H4C6: variants seen among roughly 807,000 people sequenced by gnomAD.
H4C6 encodes the protein histone H4.
Under a neutral mutation model 5.7 loss-of-function variants are expected in H4C6, and 8 were observed. The ratio of observed to expected loss-of-function variants is 1.41; its 90% CI spans 0.82 to 2.54. The LOEUF (loss-of-function observed/expected upper bound fraction) is 2.54, where lower values mean the gene tolerates loss of function less well. Ranked by LOEUF, H4C6 falls within the 30% of genes most tolerant of loss-of-function variation. H4C6 has a pLI of 0.00. For synonymous variants in H4C6, 124 were observed against 57.0 expected (o/e 2.18, Z -5.30); for missense variants, 230 against 145.9 (o/e 1.58, Z -2.97).
rs567015950 is a variant in H4C6, at chr6:26,240,757, T to C, written c.*20T>C. 5.2e-6 allele frequency: 8 copies of C among 1,540,554 alleles called. No homozygotes were observed. Among genetic ancestry groups the C allele is most frequent in the South Asian group, 2.5e-5 (2 of 79,248 alleles). ...GGCTGAGCCTCACCCCGGCTTTTTA[T>C]TTAACAGCTCACCCATAAAAGGCCC... On this transcript the variant is annotated 3_prime_UTR_variant, in exon 1 of 1. Transcript: ENST00000244537.
At position 26,240,453 on chromosome 6, in the gene H4C6, G is replaced by C. The variant is rs769179658; in HGVS notation, c.28G>C (p.Gly10Arg). The C allele has an allele frequency of 1.9e-6, 3 of 1,587,502 alleles. No individual in the cohort carries two copies. Among genetic ancestry groups the C allele is most frequent in the East Asian group, 4.5e-5 (2 of 44,492 alleles). ...GTCTGGTAGAGGCAAAGGTGGTAAA[G>C]GTTTAGGAAAGGGAGGCGCCAAGCG... MSGRGKGGK[G>R]LGKGGAKRHR... The change falls in exon 1 of 1, where the codon GGT becomes CGT. Residue 10 changes from glycine to arginine, a missense_variant. By Grantham distance (125) the Gly-to-Arg change is moderately radical. Coordinates refer to ENST00000244537, the MANE Select transcript of H4C6 (RefSeq NM_003540.4).
At position 26,240,423 on chromosome 6, in the gene H4C6, A is replaced by T. The variant is rs377422659; in HGVS notation, c.-3A>T. On this transcript the variant is annotated 5_prime_UTR_variant, in exon 1 of 1. Transcript: ENST00000244537. ...AGTTAAGAGTTGTTGTTTGTCTTCG[A>T]TCATGTCTGGTAGAGGCAAAGGTGG... 3 of 1,543,232 alleles carry T rather than the reference A, an allele frequency of 1.9e-6. No individual in the cohort carries two copies. Among genetic ancestry groups the T allele is most frequent in the Admixed American group, 2.0e-5 (1 of 51,090 alleles).
At position 26,240,686 on chromosome 6, in the gene H4C6, T is replaced by C. The variant is rs1759874126; in HGVS notation, c.261T>C (p.Val87=). The C allele has an allele frequency of 6.2e-7, 1 of 1,609,140 alleles. No homozygotes were observed. The part of the protein sequence containing the change: ...AKRKTVTAMD[V]VYALKRQGRT... ...GTAAGACAGTCACTGCAATGGATGT[T>C]GTCTACGCGCTCAAGCGCCAGGGAC... Residue 87 remains valine, a synonymous_variant, in exon 1 of 1, where the codon GTT becomes GTC. Coordinates refer to ENST00000244537, the MANE Select transcript of H4C6 (RefSeq NM_003540.4).
In H4C6 at chr6:26,240,661, G is replaced by GT. The variant is rs760665680; in HGVS notation, c.237dup (p.Lys80Ter). On this transcript the variant is annotated frameshift_variant, in exon 1 of 1. Transcript: ENST00000244537. LOFTEE classifies it high-confidence loss of function. ...GTAACCTACACGGAGCACGCCAAGCGTAAGACAGTCACTGCAATGGATGTT... is the reference window on the plus strand; with the variant it reads ...GTAACCTACACGGAGCACGCCAAGCGTTAAGACAGTCACTGCAATGGATGTT... The GT allele has an allele frequency of 1.5e-5, 25 of 1,613,328 alleles. No homozygotes were observed. The highest frequency in any genetic ancestry group is 3.3e-4 in the Middle Eastern group (2 of 6,060).
At position 26,240,396 on chromosome 6, in the gene H4C6, A is replaced by C. The variant is rs3734533; in HGVS notation, c.-30A>C. 1 of 1,501,508 alleles carries C rather than the reference A, an allele frequency of 6.7e-7. No individual in the cohort carries two copies. The allele number at this position is 1,501,508 out of a possible 1,614,324, so 93.0% of individuals were successfully genotyped here. On this transcript the variant is annotated 5_prime_UTR_variant, in exon 1 of 1. Coordinates refer to ENST00000244537, the MANE Select transcript of H4C6 (RefSeq NM_003540.4). ...GGCTTCAGTGTGTAGCAAAGTTGCA[A>C]AAGTTAAGAGTTGTTGTTTGTCTTC... is the stretch of plus-strand genomic sequence containing the variant.
In H4C6 at chr6:26,240,661, G is replaced by A. The variant is rs747684677; in HGVS notation, c.236G>A (p.Arg79His). 2.5e-6 allele frequency: 4 copies of A among 1,613,328 alleles called. No homozygotes were observed. Among genetic ancestry groups the A allele is most frequent in the Middle Eastern group, 3.3e-4 (2 of 6,060 alleles). The change falls in exon 1 of 1, where the codon CGT becomes CAT. Residue 79 changes from arginine (R) to histidine (H), a missense_variant. Arg to His is a conservative substitution (Grantham distance 29). Transcript: ENST00000244537. ...DAVTYTEHAK[R>H]KTVTAMDVVY... ...GTAACCTACACGGAGCACGCCAAGC[G>A]TAAGACAGTCACTGCAATGGATGTT...
In H4C6 at chr6:26,240,677, A is replaced by G; in HGVS notation, c.252A>G (p.Ala84=). 6.2e-7 allele frequency: 1 copy of G among 1,611,580 alleles called. No homozygotes were observed. The highest frequency in any genetic ancestry group is 8.5e-7 in the Non-Finnish European group (1 of 1,178,368). ...TEHAKRKTVT[A]MDVVYALKRQ... ...ACGCCAAGCGTAAGACAGTCACTGC[A>G]ATGGATGTTGTCTACGCGCTCAAGC... Residue 84 remains alanine (A), a synonymous_variant, in exon 1 of 1, where the codon GCA becomes GCG. Coordinates refer to ENST00000244537, the MANE Select transcript of H4C6 (RefSeq NM_003540.4).
At position 26,240,758 on chromosome 6, in the gene H4C6, T is replaced by G. The variant is rs767775138; in HGVS notation, c.*21T>G. ...GCTGAGCCTCACCCCGGCTTTTTATTTAACAGCTCACCCATAAAAGGCCCT... is the reference window on the plus strand; with the variant it reads ...GCTGAGCCTCACCCCGGCTTTTTATGTAACAGCTCACCCATAAAAGGCCCT... On this transcript the variant is annotated 3_prime_UTR_variant, in exon 1 of 1. Coordinates refer to ENST00000244537, the MANE Select transcript of H4C6 (RefSeq NM_003540.4). The G allele has an allele frequency of 1.3e-6, 2 of 1,539,610 alleles. No individual in the cohort carries two copies. Among genetic ancestry groups the G allele is most frequent in the East Asian group, 2.3e-5 (1 of 43,888 alleles).
rs773621661 is a variant in H4C6, at chr6:26,240,464, G to C, written c.39G>C (p.Lys13Asn). 1.3e-6 allele frequency: 2 copies of C among 1,594,510 alleles called. No homozygotes were observed. Among genetic ancestry groups the C allele is most frequent in the African/African-American group, 1.3e-5 (1 of 74,610 alleles). The change falls in exon 1 of 1, where the codon AAG becomes AAC. Residue 13 changes from lysine to asparagine, a missense_variant. Physicochemically the swap from Lys to Asn is moderately conservative, Grantham distance 94. Coordinates refer to ENST00000244537, the MANE Select transcript of H4C6 (RefSeq NM_003540.4). ...GCAAAGGTGGTAAAGGTTTAGGAAA[G>C]GGAGGCGCCAAGCGCCATCGCAAAG... ...GRGKGGKGLG[K>N]GGAKRHRKVL... is the part of the protein sequence containing the mutation.
Position 26,240,754 on chromosome 6 carries a change from T to C in H4C6, c.*17T>C. The stretch of plus-strand genomic sequence containing the variant: ...GGTGGCTGAGCCTCACCCCGGCTTT[T>C]TATTTAACAGCTCACCCATAAAAGG... On this transcript the variant is annotated 3_prime_UTR_variant, in exon 1 of 1. Transcript: ENST00000244537. 1 of 1,542,198 alleles carries C rather than the reference T, an allele frequency of 6.5e-7. No individual in the cohort carries two copies. Among genetic ancestry groups the C allele is most frequent in the African/African-American group, 1.4e-5 (1 of 73,054 alleles).
Position 26,240,399 on chromosome 6 carries a change from G to A in H4C6, c.-27G>A, listed in dbSNP as rs373477704. 2,600 of 1,523,076 alleles carry A rather than the reference G, an allele frequency of 1.7e-3. 9 individuals are homozygous for A. The highest frequency in any genetic ancestry group is 2.2e-3 in the Non-Finnish European group (2,499 of 1,132,830). The allele number at this position is 1,523,076 out of a possible 1,614,324, so 94.3% of individuals were successfully genotyped here. ...TTCAGTGTGTAGCAAAGTTGCAAAA[G>A]TTAAGAGTTGTTGTTTGTCTTCGAT... On this transcript the variant is annotated 5_prime_UTR_variant, in exon 1 of 1. Coordinates refer to ENST00000244537, the MANE Select transcript of H4C6 (RefSeq NM_003540.4).
In H4C6 at chr6:26,240,648, G is replaced by A; in HGVS notation, c.223G>A (p.Glu75Lys). Residue 75 changes from glutamate (E) to lysine (K), a missense_variant, in exon 1 of 1, where the codon GAG becomes AAG. Physicochemically the swap from Glu to Lys is moderately conservative, Grantham distance 56. Transcript: ENST00000244537. ...NVIRDAVTYT[E>K]HAKRKTVTAM... ...GATACGGGACGCCGTAACCTACACG[G>A]AGCACGCCAAGCGTAAGACAGTCAC... 6.2e-7 allele frequency: 1 copy of A among 1,614,044 alleles called. No homozygotes were observed. Among genetic ancestry groups the A allele is most frequent in the Non-Finnish European group, 8.5e-7 (1 of 1,179,890 alleles).
rs754260305 is a variant in H4C6, at chr6:26,240,771, C to T, written c.*34C>T. ...CCGGCTTTTTATTTAACAGCTCACC[C>T]ATAAAAGGCCCTTTTCAGGGCCACC... On this transcript the variant is annotated 3_prime_UTR_variant, in exon 1 of 1. Coordinates refer to ENST00000244537, the MANE Select transcript of H4C6 (RefSeq NM_003540.4). The T allele has an allele frequency of 5.3e-6, 8 of 1,516,628 alleles. No homozygotes were observed. In the East Asian group the frequency reaches 1.6e-4, roughly 30 times the overall value. 93.9% of individuals were successfully genotyped at this position (1,516,628 alleles called of 1,614,324 possible).
chr6:26,240,516 ACGAAGCCCGCCATCCGT>A lies in H4C6; in HGVS notation c.94_110del (p.Lys32LeufsTer16). The A allele has an allele frequency of 6.2e-7, 1 of 1,613,988 alleles. No individual in the cohort carries two copies. The highest frequency in any genetic ancestry group is 8.5e-7 in the Non-Finnish European group (1 of 1,179,828). On this transcript the variant is annotated frameshift_variant, in exon 1 of 1. Coordinates refer to ENST00000244537, the MANE Select transcript of H4C6 (RefSeq NM_003540.4). LOFTEE classifies it high-confidence loss of function. Reference sequence around the variant, plus strand: ...GCTGCGTGACAACATACAGGGCATCACGAAGCCCGCCATCCGTCGCTTGGCCCGACGCGGCGGCGTGA... The same window carrying A: ...GCTGCGTGACAACATACAGGGCATCACGCTTGGCCCGACGCGGCGGCGTGA...
rs752797122 is a variant in H4C6, at chr6:26,240,593, C to G, written c.168C>G (p.Arg56=). Residue 56 remains arginine, a synonymous_variant, in exon 1 of 1, where the codon CGC becomes CGG. Coordinates refer to ENST00000244537, the MANE Select transcript of H4C6 (RefSeq NM_003540.4). ...RISGLIYEET[R]GVLKVFLENV... is the part of the protein sequence containing the mutation. ...CGGGCCTCATTTATGAGGAGACCCG[C>G]GGTGTTCTTAAGGTGTTCCTGGAGA... 2 of 1,614,208 alleles carry G rather than the reference C, an allele frequency of 1.2e-6. No homozygotes were observed. The highest frequency in any genetic ancestry group is 2.2e-5 in the South Asian group (2 of 91,080).
rs748720299 is a variant in H4C6 at position 26,240,503 on chromosome 6, C to T, written c.78C>T (p.Asn26=). The T allele has an allele frequency of 9.9e-6, 16 of 1,612,964 alleles. No individual in the cohort carries two copies. The Middle Eastern group carries it at 8.3e-4, about 83-fold the overall frequency. ...GCCATCGCAAAGTGCTGCGTGACAA[C>T]ATACAGGGCATCACGAAGCCCGCCA... ...AKRHRKVLRD[N]IQGITKPAIR... is the part of the protein sequence containing the mutation. Residue 26 remains asparagine (N), a synonymous_variant, in exon 1 of 1, where the codon AAC becomes AAT. Coordinates refer to ENST00000244537, the MANE Select transcript of H4C6 (RefSeq NM_003540.4).
chr6:26,240,550 G>A lies in H4C6; in HGVS notation c.125G>A (p.Gly42Asp). 1.2e-6 allele frequency: 2 copies of A among 1,614,160 alleles called. No individual in the cohort carries two copies. Among genetic ancestry groups the A allele is most frequent in the Middle Eastern group, 3.3e-4 (2 of 6,062 alleles). ...GCCATCCGTCGCTTGGCCCGACGCG[G>A]CGGCGTGAAACGCATTTCGGGCCTC... Reference protein sequence around the residue: ...KPAIRRLARRGGVKRISGLIY... With the variant: ...KPAIRRLARRDGVKRISGLIY... Residue 42 changes from glycine (G) to aspartate (D), a missense_variant, in exon 1 of 1, where the codon GGC becomes GAC. Gly to Asp is a moderately conservative substitution (Grantham distance 94). Coordinates refer to ENST00000244537, the MANE Select transcript of H4C6 (RefSeq NM_003540.4).
At position 26,240,623 on chromosome 6, in the gene H4C6, G is replaced by C. The variant is rs760722568; in HGVS notation, c.198G>C (p.Val66=). ...RGVLKVFLEN[V]IRDAVTYTEH... is the part of the protein sequence containing the mutation. ...TTCTTAAGGTGTTCCTGGAGAATGT[G>C]ATACGGGACGCCGTAACCTACACGG... is the stretch of plus-strand genomic sequence containing the variant. The change falls in exon 1 of 1, where the codon GTG becomes GTC. Residue 66 remains valine (V), a synonymous_variant. Transcript: ENST00000244537. 5 of 1,613,896 alleles carry C rather than the reference G, an allele frequency of 3.1e-6. No individual in the cohort carries two copies. In the South Asian group the frequency reaches 5.5e-5, roughly 18 times the overall value.
chr6:26,240,655 C>T lies in H4C6; in HGVS notation c.230C>T (p.Ala77Val). The T allele has an allele frequency of 6.2e-7, 1 of 1,613,648 alleles. No individual in the cohort carries two copies. The highest frequency in any genetic ancestry group is 8.5e-7 in the Non-Finnish European group (1 of 1,179,628). The part of the protein sequence containing the change: ...IRDAVTYTEH[A>V]KRKTVTAMDV... ...GACGCCGTAACCTACACGGAGCACG[C>T]CAAGCGTAAGACAGTCACTGCAATG... Residue 77 changes from alanine (A) to valine (V), a missense_variant, in exon 1 of 1, where the codon GCC (alanine) becomes GTC (valine). Ala to Val is a moderately conservative substitution (Grantham distance 64). Coordinates refer to ENST00000244537, the MANE Select transcript of H4C6 (RefSeq NM_003540.4).
Sources: allele counts gnomAD v4.1 joint callset, GRCh38; gene constraint gnomAD v4.1.1; transcripts MANE v1.5; gene names NCBI Gene and HGNC (gene_info 2026-07-23, HGNC 2026-07-21).